Variants in HRH1 observed in about 807,000 individuals in gnomAD.
The protein encoded by HRH1 is histamine receptor H1.
A neutral mutation model predicts 10.3 loss-of-function variants in HRH1; 6 were observed. The observed-to-expected ratio is 0.58, with a 90% CI of 0.32 to 1.15. The LOEUF is 1.15. HRH1 is among the 50% of genes most tolerant of loss of function. HRH1 has a pLI of 0.05. For synonymous variants in HRH1, 242 were observed against 236.7 expected (o/e 1.02, Z -0.21); for missense variants, 514 against 615.3 (o/e 0.84, Z 1.74).
chr3:11,188,355 A>T (rs549639207), intron 1 of HRH1, among the ~76,000 whole-genome samples: 1 of 152,270 alleles, frequency 6.6e-6, no homozygotes, highest in African/African-American at 2.4e-5. Context: ...TAATCTCAAC[A>T]CCTTGGGAAG....
rs71055856 is a variant in HRH1, at chr3:11,250,034, CTTTTTTTTT to C, written c.-35-8951_-35-8943del. Among the ~76,000 whole-genome samples the C allele has an allele frequency of 8.2e-3, 498 of 60,830 alleles. 5 individuals are homozygous for C. The highest frequency in any genetic ancestry group is 0.03 in the African/African-American group (467 of 15,814). The allele number at this position is 60,830 out of a possible 152,430, so 39.9% of individuals were successfully genotyped here. Reference sequence around the variant, plus strand: ...AGGAAGAGGCAGATTAAGCTTTTCTCTTTTTTTTTTTTTTTTTTTTTTTTTTGAGACGGA... The same window carrying C: ...AGGAAGAGGCAGATTAAGCTTTTCTCTTTTTTTTTTTTTTTTTGAGACGGA... On this transcript the variant is annotated intron_variant, in intron 1 of 1. Coordinates refer to ENST00000431010, the MANE Select transcript of HRH1 (RefSeq NM_001098212.2).
At chr3:11,152,230 G>A (rs1009827514), upstream of HRH1, among the ~76,000 whole-genome samples, 10 of 152,296 alleles carry the variant, frequency 6.6e-5, no homozygotes, top group African/African-American at 2.4e-4. Context: ...CTTAAATCAA[G>A]CCTGACACAC....
intron 1 of HRH1, among the ~76,000 whole-genome samples, chr3:11,170,163 T>C (rs867486611): frequency 3.9e-5 from 6 of 152,160 alleles, no homozygotes; most frequent in African/African-American, 9.7e-5. Flanking sequence ...TTATGATCCG[T>C]TCAAGGGTTT....
chr3:11,240,597 G>A (rs923870706), intron 1 of HRH1, among the ~76,000 whole-genome samples: 14 of 151,832 alleles, frequency 9.2e-5, no homozygotes, highest in Non-Finnish European at 1.3e-4. Context: ...CTACCTGCCC[G>A]CAAGGTCATC....
intron 1 of HRH1, among the ~76,000 whole-genome samples, chr3:11,231,066 C>T (rs545466464): frequency 6.6e-6 from 1 of 152,304 alleles, no homozygotes; most frequent in South Asian, 2.1e-4. Flanking sequence ...GTAATGGTGT[C>T]ATTTCAGGAA....
chr3:11,251,966 G>A (rs1184879978), intron 1 of HRH1, among the ~76,000 whole-genome samples: 2 of 152,210 alleles, frequency 1.3e-5, no homozygotes, highest in Admixed American at 1.3e-4. Flanking sequence ...AGTGGCCTCC[G>A]TGCTTTTGGG....
chr3:11,207,556 G>A (rs909845779), intron 1 of HRH1, among the ~76,000 whole-genome samples: 8 of 152,052 alleles, frequency 5.3e-5, no homozygotes, highest in South Asian at 2.1e-4. Context: ...GCGACAGAGC[G>A]AGACTCTGTC....
At chr3:11,152,277 G>A (rs1225176957), upstream of HRH1, among the ~76,000 whole-genome samples, 7 of 152,190 alleles carry the variant, frequency 4.6e-5, no homozygotes, top group African/African-American at 1.7e-4. Context: ...CTTTTCTGCT[G>A]CAGCCTGTAT....
Position 11,222,915 on chromosome 3 carries a change from G to A in HRH1, c.-35-36088G>A, listed in dbSNP as rs192085030. Among the ~76,000 whole-genome samples, 11 of 151,934 alleles carry A rather than the reference G, an allele frequency of 7.2e-5. No individual in the cohort carries two copies. The East Asian group carries it at 1.6e-3, about 22-fold the overall frequency. On this transcript the variant is annotated intron_variant, in intron 1 of 1. Transcript: ENST00000431010. The stretch of plus-strand genomic sequence containing the variant: ...AAATGCAGACGCTCCAGCCGGGCGC[G>A]GTGGCTCACGCCTGTAATCCTAGCA...
chr3:11,183,787 G>A lies in HRH1; in HGVS notation c.-36+29233G>A, dbSNP rs186044878. Among the ~76,000 whole-genome samples, 81 of 150,760 alleles carry A rather than the reference G, an allele frequency of 5.4e-4. 1 individual carries two copies. The East Asian group carries it at 0.015, about 27-fold the overall frequency. ...GGCTGGAGTGCAGTGGTGCGATCTC[G>A]GCTCACTGCAAGCTTAGGCTGGAAA... On this transcript the variant is annotated intron_variant, in intron 1 of 1. Coordinates refer to ENST00000431010, the MANE Select transcript of HRH1 (RefSeq NM_001098212.2).
intron 1 of HRH1, among the ~76,000 whole-genome samples, chr3:11,239,420 A>G (rs1939276064): frequency 6.6e-6 from 1 of 152,212 alleles, no homozygotes. Context: ...CATCAGATAT[A>G]TGATATATCA....
intron 1 of HRH1, among the ~76,000 whole-genome samples, chr3:11,218,992 G>A (rs1182270382): frequency 1.3e-5 from 2 of 152,120 alleles, no homozygotes; most frequent in African/African-American, 2.4e-5. Context: ...CTAGGTTCAA[G>A]CAATTTTCCT....
chr3:11,244,740 A>T (rs1200018952), intron 1 of HRH1, among the ~76,000 whole-genome samples: 2 of 152,228 alleles, frequency 1.3e-5, no homozygotes, highest in African/African-American at 2.4e-5. Flanking sequence ...TCTCAAGGTA[A>T]CTTGTTGCAT....
intron 1 of HRH1, among the ~76,000 whole-genome samples, chr3:11,200,509 GAGGCC>G (rs1272826657): frequency 6.6e-6 from 1 of 152,124 alleles, no homozygotes; most frequent in South Asian, 2.1e-4. Flanking sequence ...AAGCTTCCTA[GAGGCC>G]AGGCCAGGAA....
chr3:11,185,619 C>T (rs940761646), intron 1 of HRH1, among the ~76,000 whole-genome samples: 8 of 152,126 alleles, frequency 5.3e-5, no homozygotes, highest in Non-Finnish European at 1.2e-4. Context: ...ACCAAGAAGA[C>T]CTGAGTTGTA....
At chr3:11,251,428 T>G (rs1939647961) in intron 1 of HRH1, among the ~76,000 whole-genome samples, 1 of 152,204 alleles carries the variant, frequency 6.6e-6, no homozygotes, top group South Asian at 2.1e-4. Flanking sequence ...TCCTTCCTGG[T>G]TTTGCAGAAA....
intron 1 of HRH1, among the ~76,000 whole-genome samples, chr3:11,257,032 C>G (rs1939799527): frequency 6.6e-6 from 1 of 151,776 alleles, no homozygotes; most frequent in African/African-American, 2.4e-5. Flanking sequence ...GTGGGCGGAT[C>G]ATCTGAGGTC....
chr3:11,247,541 C>T (rs1411627217), intron 1 of HRH1, among the ~76,000 whole-genome samples: 2 of 152,018 alleles, frequency 1.3e-5, no homozygotes, highest in Admixed American at 6.6e-5. Context: ...GAGGGACTGT[C>T]CCTTACTAGG....
intron 1 of HRH1, among the ~76,000 whole-genome samples, chr3:11,208,304 C>T (rs1177827323): frequency 1.3e-5 from 2 of 152,064 alleles, no homozygotes; most frequent in African/African-American, 4.8e-5. Context: ...AGACATGTAC[C>T]ACTGCGCCCA....
Sources: allele counts gnomAD v4.1 joint callset (sites outside exome capture counted in the v4.1 genomes callset), GRCh38; gene constraint gnomAD v4.1.1; transcripts MANE v1.5; gene names NCBI Gene and HGNC (gene_info 2026-07-23, HGNC 2026-07-21).